Variants in COL4A1 observed in about 807,000 individuals in gnomAD.
COL4A1 encodes the protein collagen alpha-1(IV) chain.
Under a neutral mutation model 216.6 loss-of-function variants are expected in COL4A1, and 40 were observed. That is an observed-to-expected ratio of 0.18 (90% CI 0.14 to 0.24). The LOEUF is 0.24. Among genes scored for constraint, COL4A1 ranks in the 10% least tolerant of loss-of-function variants. The probability of loss-of-function intolerance (pLI) is 1.00; values close to 1 mark genes in which losing one functional copy is unlikely to be tolerated. For missense variants in COL4A1, 1,628 were observed against 2,196.8 expected (o/e 0.74, Z 5.18); for synonymous variants, 839 against 810.7 (o/e 1.03, Z -0.59).
chr13:110,280,944 C>T (rs1883608105), intron 1 of COL4A1, among the ~76,000 whole-genome samples: 1 of 152,126 alleles, frequency 6.6e-6, no homozygotes. Context: ...CCGTATTATA[C>T]TTTGTTTGCT....
At chr13:110,219,120 G>A (rs561604357) in intron 2 of COL4A1, among the ~76,000 whole-genome samples, 9 of 152,314 alleles carry the variant, frequency 5.9e-5, no homozygotes, top group African/African-American at 9.6e-5. Flanking sequence ...GCGAGGCCCC[G>A]CCGGGAGCTC....
chr13:110,194,783 G>A (rs752675183), intron 22 of COL4A1, among the ~76,000 whole-genome samples: 4 of 152,112 alleles, frequency 2.6e-5, no homozygotes, highest in Non-Finnish European at 5.9e-5. Context: ...CACGGTCCTC[G>A]GAAAGGGAGA....
intron 23 of COL4A1, 24 bp downstream of exon 23, chr13:110,192,806 G>C: frequency 6.2e-7 from 1 of 1,603,736 alleles, no homozygotes; most frequent in Non-Finnish European, 8.5e-7. Flanking sequence ...CTCTGACCTG[G>C]TCCTTTTCAC....
intron 31 of COL4A1, among the ~76,000 whole-genome samples, 194 bp downstream of exon 31, chr13:110,178,729 T>A (rs1291572149): frequency 1.3e-5 from 2 of 152,136 alleles, no homozygotes; most frequent in East Asian, 3.8e-4. Flanking sequence ...ATCATCTCAG[T>A]GGGTGGGAGA....
chr13:110,174,828 T>TACA, intron 37 of COL4A1, 79 bp from the exon 38 acceptor site: 1 of 1,330,346 alleles, frequency 7.5e-7, no homozygotes, highest in Non-Finnish European at 1.1e-6. Flanking sequence ...GATAATGGTA[T>TACA]ACATTTTGGT....
At chr13:110,208,945 C>T in intron 11 of COL4A1, 55 bp from the exon 12 acceptor site, 9 of 1,547,332 alleles carry the variant, frequency 5.8e-6, no homozygotes, top group Non-Finnish European at 7.1e-6. Context: ...CGTTCAAAGT[C>T]ATTCTACAAA....
At chr13:110,195,472 T>A (rs1396390248) in intron 21 of COL4A1, among the ~76,000 whole-genome samples, 1 of 152,178 alleles carries the variant, frequency 6.6e-6, no homozygotes, top group East Asian at 1.9e-4. Flanking sequence ...TCAAGAAAGG[T>A]AAGTGATTTG....
intron 1 of COL4A1, 146 bp downstream of exon 1, chr13:110,306,798 C>T: frequency 3.0e-6 from 2 of 667,422 alleles, no homozygotes; most frequent in Non-Finnish European, 4.5e-6. Flanking sequence ...GGACCCCCAA[C>T]GAACCCCGGC....
rs1459779176 is a variant in COL4A1 at position 110,206,596 on chromosome 13, T to C, written c.858+69A>G. The stretch of plus-strand genomic sequence containing the variant: ...CGAGCCTTTTCTGTTCTTGTGTTTC[T>C]GTGAATCTGCGATTTTCCGCATGGA... On this transcript the variant is annotated intron_variant, in intron 15 of 51. Transcript: ENST00000375820. 4 of 1,542,188 alleles carry C rather than the reference T, an allele frequency of 2.6e-6. No homozygotes were observed. The Admixed American group carries it at 6.7e-5, about 26-fold the overall frequency.
chr13:110,221,450 C>T (rs1375987430), intron 2 of COL4A1, among the ~76,000 whole-genome samples: 6 of 152,258 alleles, frequency 3.9e-5, no homozygotes, highest in East Asian at 1.9e-4. Flanking sequence ...AAAAGTTCCC[C>T]GAAAGCCATC....
chr13:110,208,803 A>G (rs1566375563), intron 12 of COL4A1, 46 bp downstream of exon 12: 5 of 1,581,876 alleles, frequency 3.2e-6, no homozygotes, highest in Non-Finnish European at 4.3e-6. Flanking sequence ...TCAGGTGAGG[A>G]CTGTGGTTTT....
intron 10 of COL4A1, 23 bp downstream of exon 10, chr13:110,209,957 G>T (rs1472457932): frequency 1.2e-6 from 2 of 1,613,488 alleles, no homozygotes; most frequent in Non-Finnish European, 1.7e-6. Flanking sequence ...GATTGCCTCG[G>T]AGAGACAGCC....
At chr13:110,295,673 G>A (rs568038548) in intron 1 of COL4A1, among the ~76,000 whole-genome samples, 99 of 152,196 alleles carry the variant, frequency 6.5e-4, no homozygotes, top group Admixed American at 2.0e-3. Flanking sequence ...TGATCCACCC[G>A]CCTCGTCCTC....
At chr13:110,209,007 A>G (rs1186364262) in intron 11 of COL4A1, 117 bp from the exon 12 acceptor site, 3 of 1,052,538 alleles carry the variant, frequency 2.9e-6, no homozygotes, top group African/African-American at 3.1e-5. Flanking sequence ...GCTTTGTCCC[A>G]TAACTCTCAT....
At chr13:110,258,409 G>A (rs1285450433) in intron 1 of COL4A1, among the ~76,000 whole-genome samples, 2 of 152,206 alleles carry the variant, frequency 1.3e-5, no homozygotes, top group East Asian at 1.9e-4. Flanking sequence ...GCGTGGTGGC[G>A]CACGCCTGTA....
chr13:110,191,677 T>C, intron 24 of COL4A1: 1 of 680,430 alleles, frequency 1.5e-6, no homozygotes, highest in South Asian at 1.6e-5. Context: ...TAACAGAAAT[T>C]TTCAACTGTA....
rs1878709087 is a variant in COL4A1 at position 110,192,935 on chromosome 13, T to G, written c.1382-22A>C. On this transcript the variant is annotated intron_variant, in intron 22 of 51. Transcript: ENST00000375820. ...TGACCTAAAAAAGAAAACACAAAGG[T>G]GCTTACGTGTAACATGTGACCAGAA... The G allele has an allele frequency of 1.9e-6, 3 of 1,608,042 alleles. No individual in the cohort carries two copies. In the East Asian group the frequency reaches 6.7e-5, roughly 36 times the overall value.
At chr13:110,182,930 C>T (rs1878239912) in intron 28 of COL4A1, 63 bp downstream of exon 28, 6 of 1,475,614 alleles carry the variant, frequency 4.1e-6, no homozygotes, top group Non-Finnish European at 4.7e-6. Flanking sequence ...ATGTCTACCA[C>T]CTCCTCTTTT....
chr13:110,178,814 A>T lies in COL4A1; in HGVS notation c.2458+109T>A. 6.2e-6 allele frequency: 5 copies of T among 806,198 alleles called. No individual in the cohort carries two copies. In the Admixed American group the frequency reaches 1.2e-4, roughly 20 times the overall value. 49.9% of individuals were successfully genotyped at this position (806,198 alleles called of 1,614,324 possible). A position where few individuals can be genotyped will look rare whatever the true frequency, so the allele number is the denominator to read the frequency against. On this transcript the variant is annotated intron_variant, in intron 31 of 51. Coordinates refer to ENST00000375820, the MANE Select transcript of COL4A1 (RefSeq NM_001845.6). ...TCGAGTTTTATTTTTTTCTCTTTTTATCTCATACATTGTGCTAAGCTTCAC... is the reference window on the plus strand; with the variant it reads ...TCGAGTTTTATTTTTTTCTCTTTTTTTCTCATACATTGTGCTAAGCTTCAC...
Sources: allele counts gnomAD v4.1 joint callset (sites outside exome capture counted in the v4.1 genomes callset), GRCh38; gene constraint gnomAD v4.1.1; transcripts MANE v1.5; gene names NCBI Gene and HGNC (gene_info 2026-07-23, HGNC 2026-07-21).